DOCK7: variants seen among roughly 807,000 people sequenced by gnomAD.
The protein encoded by DOCK7 is dedicator of cytokinesis protein 7.
DOCK7 carries 138 observed loss-of-function variants against 271.0 expected under a neutral mutation model. The ratio of observed to expected loss-of-function variants is 0.51; its 90% CI spans 0.44 to 0.59. The LOEUF is 0.59. Among genes scored for constraint, DOCK7 ranks in the 20% least tolerant of loss-of-function variants. The pLI is 0.00. For synonymous variants in DOCK7, 823 were observed against 876.1 expected (o/e 0.94, Z 1.07); for missense variants, 2,066 against 2,592.4 (o/e 0.80, Z 4.41).
rs1199496945 is a variant in DOCK7 at position 62,618,726 on chromosome 1, A to G, written c.1662T>C (p.Tyr554=). The part of the protein sequence containing the change: ...EILEFPARDV[Y]VPNTTYRNLL... ...CTTACCTGTAAGTAGTGTTTGGAAC[A>G]TAAACATCCCTTGCGGGAAACTCTA... The change falls in exon 14 of 50, where the codon TAT becomes TAC. Residue 554 remains tyrosine, a synonymous_variant. Coordinates refer to ENST00000635253, the MANE Select transcript of DOCK7 (RefSeq NM_001367561.1). 1 of 1,613,492 alleles carries G rather than the reference A, an allele frequency of 6.2e-7. No individual in the cohort carries two copies. Among genetic ancestry groups the G allele is most frequent in the Non-Finnish European group, 8.5e-7 (1 of 1,179,502 alleles).
At chr1:62,661,243 A>G (rs1356030918) in intron 2 of DOCK7, among the ~76,000 whole-genome samples, 1 of 152,210 alleles carries the variant, frequency 6.6e-6, no homozygotes, top group Non-Finnish European at 1.5e-5. Flanking sequence ...TAAAGGCAGG[A>G]AAGAGAATAT....
chr1:62,643,910 A>C (rs1171860855), intron 7 of DOCK7, among the ~76,000 whole-genome samples: 1 of 152,036 alleles, frequency 6.6e-6, no homozygotes, highest in Non-Finnish European at 1.5e-5. Flanking sequence ...TTTAATTATA[A>C]AATCTTGAAA....
chr1:62,580,829 A>G (rs1341988869), intron 16 of DOCK7, among the ~76,000 whole-genome samples: 2 of 152,212 alleles, frequency 1.3e-5, no homozygotes, highest in African/African-American at 4.8e-5. Flanking sequence ...CTGCAAACTA[A>G]GAATGGTTTT....
At chr1:62,571,541 C>G (rs1379796453) in intron 18 of DOCK7, among the ~76,000 whole-genome samples, 2 of 152,160 alleles carry the variant, frequency 1.3e-5, no homozygotes, top group East Asian at 3.8e-4. Context: ...AACCAGCAAT[C>G]TCATTACTGG....
chr1:62,466,942 A>C (rs1196616721), intron 48 of DOCK7, among the ~76,000 whole-genome samples: 2 of 152,262 alleles, frequency 1.3e-5, no homozygotes, highest in African/African-American at 4.8e-5. Flanking sequence ...AAACAAAAAA[A>C]AACAAAAAAC....
intron 48 of DOCK7, among the ~76,000 whole-genome samples, chr1:62,472,658 G>T (rs902073766): frequency 6.6e-6 from 1 of 152,174 alleles, no homozygotes; most frequent in Non-Finnish European, 1.5e-5. Context: ...AGATGGTAGG[G>T]TGTATTTTGT....
Position 62,539,646 on chromosome 1 carries a change from C to T in DOCK7, c.3199G>A (p.Val1067Ile). Residue 1067 changes from valine to isoleucine, a missense_variant, in exon 27 of 50, where the codon GTT (valine) becomes ATT (isoleucine). Transcript: ENST00000635253. ...VSRFQKDTEMVERLNTSLAFF... is the reference protein window; with the variant it reads ...VSRFQKDTEMIERLNTSLAFF... ...GCAAGGCTTGTATTGAGTCTCTCAA[C>T]CATTTCTGTGTCCTGTGAAACAGAA... 6.2e-7 allele frequency: 1 copy of T among 1,613,632 alleles called. No individual in the cohort carries two copies. Among genetic ancestry groups the T allele is most frequent in the African/African-American group, 1.3e-5 (1 of 75,028 alleles).
At chr1:62,601,743 A>C (rs1417172531) in intron 14 of DOCK7, 1 of 1,415,502 alleles carries the variant, frequency 7.1e-7, no homozygotes, top group East Asian at 2.3e-5. Flanking sequence ...ACTAAATCTG[A>C]TGTAATAACA....
intron 1 of DOCK7, among the ~76,000 whole-genome samples, chr1:62,673,793 A>T (rs1660257343): frequency 6.6e-6 from 1 of 152,082 alleles, no homozygotes; most frequent in Non-Finnish European, 1.5e-5. Context: ...CCTACAAATA[A>T]CATCATACTT....
chr1:62,597,490 T>C (rs908723680), intron 14 of DOCK7: 37 of 1,511,992 alleles, frequency 2.4e-5, no homozygotes, highest in African/African-American at 5.6e-5. Context: ...TATTGGTATA[T>C]ATAGAGTTAA....
At chr1:62,484,484 C>CA (rs1285972843) in intron 43 of DOCK7, 1 of 152,054 alleles carries the variant, frequency 6.6e-6, no homozygotes, top group Admixed American at 6.6e-5. Flanking sequence ...ACTGAACAAA[C>CA]TTTTCTTTTT....
At chr1:62,594,555 G>T (rs1648940319) in intron 14 of DOCK7, among the ~76,000 whole-genome samples, 1 of 151,954 alleles carries the variant, frequency 6.6e-6, no homozygotes, top group Non-Finnish European at 1.5e-5. Context: ...TGGTACTAGT[G>T]CTCAGTTACT....
intron 2 of DOCK7, among the ~76,000 whole-genome samples, chr1:62,658,459 C>T (rs1658290088): frequency 6.6e-6 from 1 of 151,434 alleles, no homozygotes; most frequent in African/African-American, 2.4e-5. Context: ...GACTCAGTCT[C>T]CAAAATAAAA....
At chr1:62,588,589 G>A (rs541794372) in intron 14 of DOCK7, among the ~76,000 whole-genome samples, 7 of 152,090 alleles carry the variant, frequency 4.6e-5, no homozygotes, top group Non-Finnish European at 1.0e-4. Context: ...TGAATCTAGC[G>A]CCTTAGTCAT....
chr1:62,594,364 T>C (rs553164932), intron 14 of DOCK7, among the ~76,000 whole-genome samples: 5 of 113,212 alleles, frequency 4.4e-5, no homozygotes, highest in Non-Finnish European at 7.0e-5. Flanking sequence ...TTCAAATTAC[T>C]ATAAGAATTA....
intron 22 of DOCK7, among the ~76,000 whole-genome samples, chr1:62,550,869 T>C (rs1189667858): frequency 6.6e-6 from 1 of 151,864 alleles, no homozygotes; most frequent in Non-Finnish European, 1.5e-5. Flanking sequence ...TACAGGCATC[T>C]GCCGCCGTGC....
At chr1:62,504,500 T>C (rs1177992387) in intron 37 of DOCK7, 130 bp downstream of exon 37, 4 of 987,872 alleles carry the variant, frequency 4.0e-6, no homozygotes, top group Non-Finnish European at 5.8e-6. Context: ...ATGAGAAATA[T>C]CAAGATAGCC....
At chr1:62,540,425 G>A (rs1395675538) in intron 25 of DOCK7, among the ~76,000 whole-genome samples, 1 of 151,872 alleles carries the variant, frequency 6.6e-6, no homozygotes, top group Admixed American at 6.6e-5. Context: ...CCTCTGCCTC[G>A]GCCTCTCAAA....
chr1:62,549,357 T>C (rs1645816896), intron 22 of DOCK7, among the ~76,000 whole-genome samples: 1 of 152,120 alleles, frequency 6.6e-6, no homozygotes, highest in Non-Finnish European at 1.5e-5. Context: ...GGGAGGAATA[T>C]TTGACTGAAG....
Sources: gnomAD v4.1 joint callset for allele counts (sites outside exome capture counted in the v4.1 genomes callset) on GRCh38, gnomAD v4.1.1 for gene constraint, MANE v1.5 for transcripts, NCBI Gene and HGNC (gene_info 2026-07-23, HGNC 2026-07-21) for gene names.